The following TRHDE variants were observed in gnomAD, a reference collection of about 807,000 sequenced individuals.
TRHDE encodes thyrotropin-releasing hormone-degrading ectoenzyme.
TRHDE carries 72 observed loss-of-function variants against 125.7 expected under a neutral mutation model. That is an observed-to-expected ratio of 0.57 (90% CI 0.47 to 0.70). The LOEUF (loss-of-function observed/expected upper bound fraction) is 0.70, where lower values mean the gene tolerates loss of function less well. TRHDE is among the 30% of genes least tolerant of loss of function. The probability of loss-of-function intolerance (pLI) is 0.00; values close to 1 mark genes in which losing one functional copy is unlikely to be tolerated. For missense variants in TRHDE, 1,110 were observed against 1,327.1 expected, an observed-to-expected ratio of 0.84 and a Z score of 2.54; for synonymous variants, 509 against 509.1, an observed-to-expected ratio of 1.00 and a Z score of 0.00.
chr12:72,618,990 T>A lies in TRHDE; in HGVS notation c.2421T>A (p.Tyr807Ter). ...LPWHAASRAL[Y>*]PLDKLLDRME... Reference sequence around the variant, plus strand: ...GGCATGCTGCCAGCCGAGCTCTTTATCCTCTAGATAAATTACTGGACCGCA... The same window carrying A: ...GGCATGCTGCCAGCCGAGCTCTTTAACCTCTAGATAAATTACTGGACCGCA... Residue 807 changes from tyrosine (Y) to a stop codon, truncating the protein, a stop_gained, in exon 13 of 19, where the codon TAT becomes TAA. Transcript: ENST00000261180. LOFTEE classifies it high-confidence loss of function. The A allele has an allele frequency of 6.3e-7, 1 of 1,598,860 alleles. No homozygotes were observed. The highest frequency in any genetic ancestry group is 8.5e-7 in the Non-Finnish European group (1 of 1,172,892).
At chr12:72,609,186 A>C (rs1437526923) in intron 12 of TRHDE, among the ~76,000 whole-genome samples, 4 of 152,212 alleles carry the variant, frequency 2.6e-5, no homozygotes, top group Admixed American at 6.5e-5. Context: ...TCCAAGAAAC[A>C]CATGTTTAGC....
chr12:72,535,232 G>A (rs538631858), intron 6 of TRHDE, among the ~76,000 whole-genome samples: 5 of 151,982 alleles, frequency 3.3e-5, no homozygotes, highest in African/African-American at 1.2e-4. Flanking sequence ...CATTTTTATT[G>A]TTATGTTCTA....
At chr12:72,482,515 A>G (rs1282503699) in intron 5 of TRHDE, among the ~76,000 whole-genome samples, 1 of 151,864 alleles carries the variant, frequency 6.6e-6, no homozygotes, top group Non-Finnish European at 1.5e-5. Context: ...ACCTAGTTAC[A>G]ATGGCCATTT....
chr12:72,353,437 G>A (rs1278083765), intron 2 of TRHDE, among the ~76,000 whole-genome samples: 1 of 151,470 alleles, frequency 6.6e-6, no homozygotes, highest in Non-Finnish European at 1.5e-5. Context: ...AAAAATAAAA[G>A]TAAAAAATAT....
At chr12:72,204,441 C>A (rs1191780428) in intron 2 of TRHDE, among the ~76,000 whole-genome samples, 1 of 152,164 alleles carries the variant, frequency 6.6e-6, no homozygotes, top group East Asian at 1.9e-4. Flanking sequence ...TTCTCTTACA[C>A]ATTCTCCCTG....
chr12:72,530,239 T>A lies in TRHDE; in HGVS notation c.1723-12052T>A, dbSNP rs527683709. On this transcript the variant is annotated intron_variant, in intron 6 of 18. Transcript: ENST00000261180. Reference sequence around the variant, plus strand: ...TGATTTCTCTCTTCTCTTTTTCTTTTAAAATCCCCCAATTAAGCTTTCATT... The same window carrying A: ...TGATTTCTCTCTTCTCTTTTTCTTTAAAAATCCCCCAATTAAGCTTTCATT... Among the ~76,000 whole-genome samples the A allele has an allele frequency of 9.2e-5, 14 of 152,222 alleles. 1 individual carries two copies. In the East Asian group the frequency reaches 2.5e-3, roughly 27 times the overall value.
Position 72,541,734 on chromosome 12 carries a change from G to T in TRHDE, c.1723-557G>T, listed in dbSNP as rs187468830. Among the ~76,000 whole-genome samples the T allele has an allele frequency of 3.3e-3, 494 of 151,474 alleles. 3 individuals carry two copies. Among genetic ancestry groups the T allele is most frequent in the African/African-American group, 0.012 (483 of 41,460 alleles). ...CACTTTACAAGGAGAAAAGTAAGGA[G>T]CAGAGAGCTGAAATATTCTTACTGA... is the stretch of plus-strand genomic sequence containing the variant. On this transcript the variant is annotated intron_variant, in intron 6 of 18. Transcript: ENST00000261180.
At chr12:72,639,273 A>G (rs1442586610) in intron 15 of TRHDE, among the ~76,000 whole-genome samples, 1 of 151,930 alleles carries the variant, frequency 6.6e-6, no homozygotes, top group Admixed American at 6.6e-5. Context: ...CATCGCTGAT[A>G]CCCTTTCTTC....
At chr12:72,452,789 C>T (rs531993732) in intron 3 of TRHDE, among the ~76,000 whole-genome samples, 51 of 152,050 alleles carry the variant, frequency 3.4e-4, no homozygotes, top group African/African-American at 1.2e-3. Flanking sequence ...GCCCCCTCCC[C>T]CTTCACTCTC....
intron 2 of TRHDE, among the ~76,000 whole-genome samples, chr12:72,114,398 A>T (rs1875394183): frequency 6.6e-6 from 1 of 152,192 alleles, no homozygotes; most frequent in Non-Finnish European, 1.5e-5. Context: ...TCAGTTGATC[A>T]ACATATATTT....
At chr12:72,172,877 A>G (rs1402507038) in intron 2 of TRHDE, among the ~76,000 whole-genome samples, 1 of 152,186 alleles carries the variant, frequency 6.6e-6, no homozygotes, top group East Asian at 1.9e-4. Context: ...TTTACTCAAC[A>G]TTTTTCAAAC....
At chr12:72,224,146 C>CTATG (rs10647795) in intron 2 of TRHDE, among the ~76,000 whole-genome samples, 1,523 of 46,252 alleles carry the variant, frequency 0.033, 39 homozygotes, top group Admixed American at 0.12. Flanking sequence ...ATCTATTTAT[C>CTATG]TATGTATGTA....
chr12:72,367,807 A>G (rs1163883127), intron 2 of TRHDE, among the ~76,000 whole-genome samples: 1 of 152,222 alleles, frequency 6.6e-6, no homozygotes, highest in Non-Finnish European at 1.5e-5. Context: ...CAAAAGGAGA[A>G]GTAAATGTAT....
intron 1 of TRHDE, among the ~76,000 whole-genome samples, chr12:72,094,961 G>A (rs894001208): frequency 6.6e-6 from 1 of 152,184 alleles, no homozygotes; most frequent in African/African-American, 2.4e-5. Flanking sequence ...GGGAATAAAG[G>A]GGGATACCTC....
intron 2 of TRHDE, among the ~76,000 whole-genome samples, chr12:72,128,828 C>G (rs1211321750): frequency 1.3e-5 from 2 of 152,016 alleles, no homozygotes; most frequent in East Asian, 3.9e-4. Flanking sequence ...TAATTCGGGT[C>G]TCTAAAGTAA....
chr12:72,160,558 G>A lies in TRHDE; in HGVS notation n.279+54806G>A, dbSNP rs149499954. 6.6e-4 allele frequency among the ~76,000 whole-genome samples: 100 copies of A among 152,136 alleles called. 1 individual carries two copies. In the East Asian group the frequency reaches 0.017, roughly 26 times the overall value. ...AAAAAAATTAGCTGGGCTTGGTGGA[G>A]GGCACCTGTAATCCCAGCTACTTGG... On this transcript the variant is annotated intron_variant and non_coding_transcript_variant, in intron 2 of 4. Coordinates refer to the TRHDE transcript ENST00000548156.
At chr12:72,528,428 A>G (rs372123400) in intron 6 of TRHDE, among the ~76,000 whole-genome samples, 1 of 152,242 alleles carries the variant, frequency 6.6e-6, no homozygotes, top group African/African-American at 2.4e-5. Context: ...GTCTTCGTGT[A>G]GTTATTCTAC....
chr12:72,188,428 G>T, intron 2 of TRHDE, among the ~76,000 whole-genome samples: 1 of 152,216 alleles, frequency 6.6e-6, no homozygotes, highest in African/African-American at 2.4e-5. Flanking sequence ...ATCAAGATCT[G>T]TTTCAGACCA....
At chr12:72,553,340 G>A (rs1005350767) in intron 7 of TRHDE, among the ~76,000 whole-genome samples, 3 of 152,152 alleles carry the variant, frequency 2.0e-5, no homozygotes, top group African/African-American at 7.2e-5. Flanking sequence ...CAACAAAAAA[G>A]ATGAGGCTTT....
Sources: allele counts gnomAD v4.1 joint callset (sites outside exome capture counted in the v4.1 genomes callset), GRCh38; gene constraint gnomAD v4.1.1; transcripts MANE v1.5; gene names NCBI Gene and HGNC (gene_info 2026-07-23, HGNC 2026-07-21).